Variants in LHX6 observed in about 807,000 individuals in gnomAD.
The protein encoded by LHX6 is LIM/homeobox protein Lhx6.
In LHX6, 15 loss-of-function variants were observed where a neutral mutation model predicts 47.1. That is an observed-to-expected ratio of 0.32 (90% CI 0.21 to 0.49). The LOEUF is 0.49. Among genes scored for constraint, LHX6 ranks in the 20% least tolerant of loss-of-function variants. The pLI is 0.99. For synonymous variants in LHX6, 242 were observed against 233.5 expected (o/e 1.04, Z -0.33); for missense variants, 404 against 539.6 (o/e 0.75, Z 2.49).
rs1588344874 is a variant in LHX6, at chr9:122,214,438, T to C, written c.683-55A>G. ...GTCCCCATCTCTTCTAGTGGCAGCC[T>C]GGAAAGGACGGGGGTGGGGGGAGCT... On this transcript the variant is annotated intron_variant, in intron 5 of 9. Coordinates refer to ENST00000394319, the MANE Select transcript of LHX6 (RefSeq NM_014368.5). The surrounding 1 kb of genome is among the most constrained non-coding windows in gnomAD (Gnocchi z 4.6). The C allele has an allele frequency of 6.8e-6, 10 of 1,467,242 alleles. No individual in the cohort carries two copies. The highest frequency in any genetic ancestry group is 9.0e-6 in the Non-Finnish European group (10 of 1,113,670). The allele number at this position is 1,467,242 out of a possible 1,614,324, so 90.9% of individuals were successfully genotyped here.
At chr9:122,212,318 C>A (rs371948656) in intron 8 of LHX6, among the ~76,000 whole-genome samples, 1 of 152,254 alleles carries the variant, frequency 6.6e-6, no homozygotes, top group East Asian at 1.9e-4. Flanking sequence ...TAAGGCATAC[C>A]GGCTCCCACT....
chr9:122,218,540 C>G (rs1442445868), intron 4 of LHX6, among the ~76,000 whole-genome samples: 1 of 152,136 alleles, frequency 6.6e-6, no homozygotes, highest in Non-Finnish European at 1.5e-5. Flanking sequence ...ACCTCCTCCC[C>G]GGTCTCCCTG....
At position 122,228,658 on chromosome 9, in the gene LHX6, T is replaced by G. The variant is rs1831213497; in HGVS notation, c.83A>C (p.Gln28Pro). The G allele has an allele frequency of 5.3e-5, 69 of 1,295,486 alleles. No individual in the cohort carries two copies. The highest frequency in any genetic ancestry group is 6.6e-5 in the Non-Finnish European group (68 of 1,023,978). 80.2% of individuals were successfully genotyped at this position (1,295,486 alleles called of 1,614,324 possible). ...LPAEGGPATD[Q>P]VMAQPGSGCK... ...TCACCCAGTCGTTCGCCGGCTCACC[T>G]GGTCGGTGGCGGGGCCGCCCTCGGC... is the stretch of plus-strand genomic sequence containing the variant. Residue 28 changes from glutamine to proline, a missense_variant and splice_region_variant, in exon 1 of 10, where the codon CAG (glutamine) becomes CCG (proline). Physicochemically the swap from Gln to Pro is moderately conservative, Grantham distance 76 (BLOSUM62 -1). Around this residue, in one of 7 missense-constraint regions of LHX6, gnomAD observed 144 missense variants for 128.7 expected, o/e 1.12. Transcript: ENST00000394319.
At position 122,214,280 on chromosome 9, in the gene LHX6, T is replaced by G. The variant is rs1229983383; in HGVS notation, c.783+3A>C. 6.3e-7 allele frequency: 1 copy of G among 1,584,776 alleles called. No homozygotes were observed. ...CCCCGCCGCCCACTGCTTGCAGCGG[T>G]ACCTGCAGCTGTTCCGCGGTGAAGG... On this transcript the variant is annotated splice_donor_region_variant and intron_variant, in intron 6 of 9. Coordinates refer to ENST00000394319, the MANE Select transcript of LHX6 (RefSeq NM_014368.5). This position sits in a 1 kb window ranked among gnomAD's most constrained non-coding sequence, Gnocchi z 4.6.
rs115912385 is a variant in LHX6 at position 122,207,408 on chromosome 9, T to A, written c.1158+2206A>T. ...ACTCGCTGCATCCCTGGACAAGTCA[T>A]GTCACCTCTCGGAATCTGTTTATCT... On this transcript the variant is annotated intron_variant, in intron 9 of 9. Coordinates refer to ENST00000394319, the MANE Select transcript of LHX6 (RefSeq NM_014368.5). Among the ~76,000 whole-genome samples, 752 of 152,306 alleles carry A rather than the reference T, an allele frequency of 4.9e-3. 5 individuals are homozygous for A. Among genetic ancestry groups the A allele is most frequent in the African/African-American group, 0.017 (702 of 41,560 alleles).
chr9:122,227,184 A>G (rs780272779), intron 2 of LHX6, 154 bp from the exon 3 acceptor site: 4 of 801,310 alleles, frequency 5.0e-6, no homozygotes, highest in African/African-American at 1.8e-5. Flanking sequence ...GGAAGGGCCT[A>G]TTGGAGAGGA....
Position 122,214,359 on chromosome 9 carries a change from G to A in LHX6, c.707C>T (p.Ala236Val). The A allele has an allele frequency of 1.3e-6, 2 of 1,580,768 alleles. No individual in the cohort carries two copies. Among genetic ancestry groups the A allele is most frequent in the South Asian group, 1.1e-5 (1 of 87,334 alleles). Residue 236 changes from alanine to valine, a missense_variant, in exon 6 of 10, where the codon GCA becomes GTA. Coordinates refer to ENST00000394319, the MANE Select transcript of LHX6 (RefSeq NM_014368.5). This position sits in a 1 kb window ranked among gnomAD's most constrained non-coding sequence, Gnocchi z 4.6. ...ENGNGLTLEG[A>V]VPSEQDSQPK... ...TTGACTGTCCTGTTCCGAGGGCACTGCCCCCTCCAACGTGAGGCCGTTCCC... is the reference window on the plus strand; with the variant it reads ...TTGACTGTCCTGTTCCGAGGGCACTACCCCCTCCAACGTGAGGCCGTTCCC...
intron 4 of LHX6, chr9:122,221,062 C>A (rs1830833402): frequency 2.0e-6 from 2 of 984,566 alleles, no homozygotes; most frequent in Admixed American, 1.2e-4. Flanking sequence ...GCTATTGAGC[C>A]GAGAGGCCGA....
chr9:122,226,719 A>C lies in LHX6; in HGVS notation c.339+129T>G, dbSNP rs945011579. 7.9e-6 allele frequency: 10 copies of C among 1,272,684 alleles called. No individual in the cohort carries two copies. In the East Asian group the frequency reaches 1.8e-4, roughly 23 times the overall value. 78.8% of individuals were successfully genotyped at this position (1,272,684 alleles called of 1,614,324 possible). ...CTCAGGCAGACCCTAAGTCTTGCCC[A>C]AAGCTTCGCAGTCGGGCAGCAGTGG... On this transcript the variant is annotated intron_variant, in intron 3 of 9. Coordinates refer to ENST00000394319, the MANE Select transcript of LHX6 (RefSeq NM_014368.5). This position sits in a 1 kb window ranked among gnomAD's most constrained non-coding sequence, Gnocchi z 6.5.
At chr9:122,223,356 A>G (rs1250161858) in intron 4 of LHX6, among the ~76,000 whole-genome samples, 1 of 152,228 alleles carries the variant, frequency 6.6e-6, no homozygotes, top group East Asian at 1.9e-4. Context: ...CAGAACCTGC[A>G]GCCCAGAAAT....
Position 122,228,638 on chromosome 9 carries a change from C to A in LHX6, c.84+19G>T. On this transcript the variant is annotated intron_variant, in intron 1 of 9. Transcript: ENST00000394319. ...CCGACCCCGGCCCGGGCCGCTCACC[C>A]AGTCGTTCGCCGGCTCACCTGGTCG... 2 of 1,305,254 alleles carry A rather than the reference C, an allele frequency of 1.5e-6. No individual in the cohort carries two copies. Among genetic ancestry groups the A allele is most frequent in the South Asian group, 4.6e-5 (2 of 43,740 alleles). The allele number at this position is 1,305,254 out of a possible 1,614,324, so 80.9% of individuals were successfully genotyped here. A position where few individuals can be genotyped will look rare whatever the true frequency, so the allele number is the denominator to read the frequency against.
chr9:122,225,333 C>T (rs1329411182), intron 4 of LHX6, among the ~76,000 whole-genome samples: 1 of 152,276 alleles, frequency 6.6e-6, no homozygotes, highest in African/African-American at 2.4e-5. Context: ...CCATTCTCCT[C>T]TGATCCTATA....
intron 8 of LHX6, among the ~76,000 whole-genome samples, chr9:122,212,656 C>A (rs1330649862): frequency 6.6e-6 from 1 of 152,182 alleles, no homozygotes; most frequent in Non-Finnish European, 1.5e-5. Context: ...CGGGGCTCCT[C>A]CCTCACTCCT....
chr9:122,211,501 G>A (rs1830397052), intron 8 of LHX6, among the ~76,000 whole-genome samples: 1 of 152,168 alleles, frequency 6.6e-6, no homozygotes, highest in African/African-American at 2.4e-5. Context: ...CATTTTTCTG[G>A]GGTCTGGTTC....
chr9:122,211,504 T>A lies in LHX6; in HGVS notation c.1055-1787A>T, dbSNP rs145486588. On this transcript the variant is annotated intron_variant, in intron 8 of 9. Coordinates refer to ENST00000394319, the MANE Select transcript of LHX6 (RefSeq NM_014368.5). ...TACAGAAAAACTCATTTTTCTGGGG[T>A]CTGGTTCTAACACTTTCATTAGCTT... Among the ~76,000 whole-genome samples, 294 of 152,280 alleles carry A rather than the reference T, an allele frequency of 1.9e-3. 1 individual carries two copies. The highest frequency in any genetic ancestry group is 6.7e-3 in the African/African-American group (277 of 41,554).
In LHX6 at chr9:122,228,927, TGC is replaced by T; in HGVS notation, c.-189_-188del. On this transcript the variant is annotated 5_prime_UTR_variant, in exon 1 of 10. Coordinates refer to ENST00000394319, the MANE Select transcript of LHX6 (RefSeq NM_014368.5). ...GCGCAGCCCCGGCCTCCCTGGCTGC[TGC>T]CGCCGCTGCCTCGGAAGAAGGTCCC... 1 of 200,186 alleles carries T rather than the reference TGC, an allele frequency of 5.0e-6. No individual in the cohort carries two copies. The highest frequency in any genetic ancestry group is 9.7e-6 in the Non-Finnish European group (1 of 103,500). The allele number at this position is 200,186 out of a possible 1,614,324, so 12.4% of individuals were successfully genotyped here. A position where few individuals can be genotyped will look rare whatever the true frequency, so the allele number is the denominator to read the frequency against.
chr9:122,209,868 G>A (rs1183301263), intron 8 of LHX6, 151 bp from the exon 9 acceptor site: 2 of 578,550 alleles, frequency 3.5e-6, no homozygotes, highest in Non-Finnish European at 6.1e-6. Flanking sequence ...CAGTAGGGTT[G>A]GTTGTGATGA....
chr9:122,215,317 C>G (rs1406604125), intron 5 of LHX6, among the ~76,000 whole-genome samples: 1 of 152,150 alleles, frequency 6.6e-6, no homozygotes, highest in Non-Finnish European at 1.5e-5. Context: ...TTGGAGCAAT[C>G]GTTATTTTCT....
At chr9:122,211,916 G>T (rs1367215710) in intron 8 of LHX6, among the ~76,000 whole-genome samples, 1 of 152,162 alleles carries the variant, frequency 6.6e-6, no homozygotes, top group Non-Finnish European at 1.5e-5. Context: ...TGTGCAGCCT[G>T]AATATAGTTA....
Sources: allele counts gnomAD v4.1 joint callset (sites outside exome capture counted in the v4.1 genomes callset), GRCh38; gene constraint gnomAD v4.1.1; regional missense constraint gnomAD v4.1.1; non-coding constraint Gnocchi (gnomAD v3.1); transcripts MANE v1.5; gene names NCBI Gene and HGNC (gene_info 2026-07-23, HGNC 2026-07-21).